PIK3C2G: variants seen among roughly 807,000 people sequenced by gnomAD.
The protein encoded by PIK3C2G is phosphatidylinositol-4-phosphate 3-kinase catalytic subunit type 2 gamma, also known as phosphatidylinositol 3-kinase C2 domain-containing subunit gamma.
PIK3C2G carries 168 observed loss-of-function variants against 181.1 expected under a neutral mutation model. The ratio of observed to expected loss-of-function variants is 0.93; its 90% confidence interval spans 0.82 to 1.05. PIK3C2G has a LOEUF of 1.05. Ranked by LOEUF, PIK3C2G falls within the 50% of genes least tolerant of loss-of-function variation. The pLI is 0.00. For synonymous variants in PIK3C2G, 573 were observed against 592.2 expected (o/e 0.97, Z 0.47); for missense variants, 1,869 against 1,732.8 (o/e 1.08, Z -1.40).
At position 18,275,617 on chromosome 12, in the gene PIK3C2G, G is replaced by A. The variant is rs182980968; in HGVS notation, c.-78-6387G>A. Among the ~76,000 whole-genome samples the A allele has an allele frequency of 3.9e-5, 6 of 152,118 alleles. No individual in the cohort carries two copies. In the East Asian group the frequency reaches 5.8e-4, roughly 15 times the overall value. On this transcript the variant is annotated intron_variant, in intron 1 of 32. Coordinates refer to ENST00000538779, the MANE Select transcript of PIK3C2G (RefSeq NM_001288772.2). Reference sequence around the variant, plus strand: ...AGGCTGGCCTCAAACTCCTGAGCTCGTGATCCACCCGCCTCGGCCTCCCAA... The same window carrying A: ...AGGCTGGCCTCAAACTCCTGAGCTCATGATCCACCCGCCTCGGCCTCCCAA...
rs761090240 is a variant in PIK3C2G, at chr12:18,391,251, C to T, written c.2125C>T (p.Leu709=). 2.5e-6 allele frequency: 4 copies of T among 1,569,932 alleles called. No homozygotes were observed. The highest frequency in any genetic ancestry group is 2.8e-5 in the African/African-American group (2 of 72,684). ...ACTTTCACAGAAACAGACTCCCCTA[C>T]TGTAAGTGACCTAGGTCTTGTGAAT... ...ARLSQKQTPL[L]LSEEKKRYLW... Residue 709 remains leucine, a splice_region_variant and synonymous_variant, in exon 15 of 33, where the codon CTA becomes TTA. Coordinates refer to ENST00000538779, the MANE Select transcript of PIK3C2G (RefSeq NM_001288772.2).
chr12:18,475,427 T>G (rs1938890738), intron 18 of PIK3C2G, among the ~76,000 whole-genome samples: 1 of 150,842 alleles, frequency 6.6e-6, no homozygotes, highest in Non-Finnish European at 1.5e-5. Flanking sequence ...TTCTTACATT[T>G]GTAATTAATT....
At position 18,648,014 on chromosome 12, in the gene PIK3C2G, A is replaced by G. The variant is rs1950240740; in HGVS notation, c.4447A>G (p.Asn1483Asp). The G allele has an allele frequency of 6.3e-7, 1 of 1,594,678 alleles. No homozygotes were observed. The highest frequency in any genetic ancestry group is 1.3e-5 in the African/African-American group (1 of 74,284). ...TAAAGAAAAATGGTATCCATTAGGA[A>G]ACAGTATAATTTGACCATTGCTATG... The part of the protein sequence containing the change: ...LDKEKWYPLG[N>D]SII The change falls in exon 33 of 33, where the codon AAC becomes GAC. Residue 1483 changes from asparagine to aspartate, a missense_variant. Transcript: ENST00000538779.
In PIK3C2G at chr12:18,427,397, C is replaced by G. The variant is rs927532312; in HGVS notation, c.2504+3358C>G. On this transcript the variant is annotated intron_variant, in intron 18 of 32. Coordinates refer to ENST00000538779, the MANE Select transcript of PIK3C2G (RefSeq NM_001288772.2). ...TGGCGGGCGCCTGTAATCTCAGCTACTCAGGAGGCTGAGGCAGGAGAATTG... is the reference window on the plus strand; with the variant it reads ...TGGCGGGCGCCTGTAATCTCAGCTAGTCAGGAGGCTGAGGCAGGAGAATTG... Among the ~76,000 whole-genome samples the G allele has an allele frequency of 2.0e-5, 3 of 150,264 alleles. No homozygotes were observed. In the South Asian group the frequency reaches 6.3e-4, roughly 31 times the overall value.
intron 1 of PIK3C2G, among the ~76,000 whole-genome samples, chr12:18,265,682 A>G (rs1024343099): frequency 2.6e-5 from 4 of 151,980 alleles, no homozygotes; most frequent in Non-Finnish European, 1.5e-5. Flanking sequence ...TAATACTTTT[A>G]ACTTTGCTTT....
Position 18,496,042 on chromosome 12 carries a change from C to A in PIK3C2G, c.2794-20C>A, listed in dbSNP as rs1270004310. ...CTGATTTATTTTGCTCACTAGTTTT[C>A]CCTTTTTCTTTTCCTATAGGCATGT... On this transcript the variant is annotated intron_variant, in intron 20 of 32. Transcript: ENST00000538779. The A allele has an allele frequency of 7.5e-7, 1 of 1,335,928 alleles. No individual in the cohort carries two copies. Among genetic ancestry groups the A allele is most frequent in the Non-Finnish European group, 1.0e-6 (1 of 979,680 alleles). 82.8% of individuals were successfully genotyped at this position (1,335,928 alleles called of 1,614,324 possible). A position where few individuals can be genotyped will look rare whatever the true frequency, so the allele number is the denominator to read the frequency against.
chr12:18,420,996 A>C lies in PIK3C2G; in HGVS notation c.2371A>C (p.Asn791His). Residue 791 changes from asparagine (N) to histidine (H), a missense_variant, in exon 17 of 33, where the codon AAT becomes CAT. Physicochemically the swap from Asn to His is moderately conservative, Grantham distance 68. Coordinates refer to ENST00000538779, the MANE Select transcript of PIK3C2G (RefSeq NM_001288772.2). ...VAVQQLDNLLNDELLEYLPQL... is the reference protein window; with the variant it reads ...VAVQQLDNLLHDELLEYLPQL... ...AGTTCAACAATTAGACAACCTCTTGAATGATGAACTACTGGAATATCTCCC... is the reference window on the plus strand; with the variant it reads ...AGTTCAACAATTAGACAACCTCTTGCATGATGAACTACTGGAATATCTCCC... 6.2e-7 allele frequency: 1 copy of C among 1,605,388 alleles called. No homozygotes were observed. The highest frequency in any genetic ancestry group is 1.1e-5 in the South Asian group (1 of 90,826).
chr12:18,635,155 G>T (rs1362005426), intron 31 of PIK3C2G, among the ~76,000 whole-genome samples: 1 of 152,180 alleles, frequency 6.6e-6, no homozygotes, highest in Non-Finnish European at 1.5e-5. Flanking sequence ...TCCACTTTCA[G>T]CTGATGCCTG....
intron 31 of PIK3C2G, among the ~76,000 whole-genome samples, chr12:18,638,774 T>A (rs2136782756): frequency 6.6e-6 from 1 of 152,200 alleles, no homozygotes; most frequent in Non-Finnish European, 1.5e-5. Context: ...CTGGCAAATT[T>A]GGGGACCCAG....
chr12:18,723,428 G>A, the PIK3C2G span: 8 of 1,612,746 alleles, frequency 5.0e-6, no homozygotes, highest in East Asian at 4.5e-5. Flanking sequence ...AGAATTTTCC[G>A]GTTTTCAGAA....
chr12:18,343,659 A>C (rs1208819377), intron 10 of PIK3C2G, among the ~76,000 whole-genome samples: 1 of 152,116 alleles, frequency 6.6e-6, no homozygotes, highest in Non-Finnish European at 1.5e-5. Flanking sequence ...AAAATATCTT[A>C]TAACCATTCC....
the PIK3C2G span, among the ~76,000 whole-genome samples, chr12:18,698,937 A>C: frequency 1.6e-4 from 25 of 152,300 alleles, no homozygotes; most frequent in South Asian, 4.8e-3. Context: ...CTACTAAAAA[A>C]AACTGCCATT....
intron 24 of PIK3C2G, among the ~76,000 whole-genome samples, chr12:18,530,211 A>G (rs1943474549): frequency 6.6e-6 from 1 of 152,186 alleles, no homozygotes; most frequent in Non-Finnish European, 1.5e-5. Context: ...CTACTTTTCT[A>G]CCCAATAAAA....
chr12:18,699,747 A>T, the PIK3C2G span: 3 of 1,549,098 alleles, frequency 1.9e-6, no homozygotes, highest in East Asian at 6.8e-5. Flanking sequence ...CTAGCAGTGA[A>T]TCTAACTCAT....
At chr12:18,359,190 CT>C (rs1242982121) in intron 11 of PIK3C2G, among the ~76,000 whole-genome samples, 1 of 152,206 alleles carries the variant, frequency 6.6e-6, no homozygotes, top group Non-Finnish European at 1.5e-5. Context: ...CTTCTTTGAA[CT>C]GTTGGTTTTG....
the PIK3C2G span, chr12:18,694,951 T>C: frequency 6.2e-7 from 1 of 1,604,208 alleles, no homozygotes; most frequent in East Asian, 2.2e-5. Context: ...TTTATGTTAC[T>C]TGGGTTAAAG....
intron 26 of PIK3C2G, among the ~76,000 whole-genome samples, chr12:18,556,998 C>A (rs1945045950): frequency 6.6e-6 from 1 of 152,140 alleles, no homozygotes; most frequent in Non-Finnish European, 1.5e-5. Flanking sequence ...ACATTTTTAA[C>A]ATTGAGGACA....
chr12:18,651,519 C>T (rs1005784964), downstream of PIK3C2G, among the ~76,000 whole-genome samples: 2 of 152,294 alleles, frequency 1.3e-5, no homozygotes, highest in African/African-American at 2.4e-5. Flanking sequence ...AGTTCACTGA[C>T]AGTAGAGACT....
chr12:18,375,065 G>A (rs11044055), intron 13 of PIK3C2G, among the ~76,000 whole-genome samples: 23,134 of 152,180 alleles, frequency 0.15, 2,203 homozygotes, highest in East Asian at 0.38. Context: ...TCGGTACCAG[G>A]AGTAGGGTAT....
Sources: allele counts gnomAD v4.1 joint callset (sites outside exome capture counted in the v4.1 genomes callset), GRCh38; gene constraint gnomAD v4.1.1; transcripts MANE v1.5; gene names NCBI Gene and HGNC (gene_info 2026-07-23, HGNC 2026-07-21).